Variants in ANO1 observed in about 807,000 individuals in gnomAD.
ANO1 encodes anoctamin 1.
ANO1 carries 59 observed loss-of-function variants against 124.0 expected under a neutral mutation model. The observed-to-expected ratio is 0.48, with a 90% CI of 0.39 to 0.59. ANO1 has a LOEUF of 0.59. Ranked by LOEUF, ANO1 falls within the 20% of genes least tolerant of loss-of-function variation. The pLI is 0.00. For missense variants in ANO1, 1,059 were observed against 1,328.0 expected (o/e 0.80, Z 3.15); for synonymous variants, 529 against 532.0 (o/e 0.99, Z 0.08).
At chr11:69,968,770 C>T in the ANO1 span, among the ~76,000 whole-genome samples, 1 of 152,238 alleles carries the variant, frequency 6.6e-6, no homozygotes, top group Non-Finnish European at 1.5e-5. Flanking sequence ...GGCCAGCCTC[C>T]ACCTCTCTTT....
intron 1 of ANO1, among the ~76,000 whole-genome samples, chr11:69,988,008 G>A (rs545803899): frequency 6.6e-6 from 1 of 152,150 alleles, no homozygotes; most frequent in Non-Finnish European, 1.5e-5. Context: ...TAGCAGCCGT[G>A]TCAGGAGTAA....
intron 8 of ANO1, among the ~76,000 whole-genome samples, chr11:70,117,699 GT>G (rs2046044397): frequency 6.6e-6 from 1 of 152,102 alleles, no homozygotes; most frequent in Admixed American, 6.6e-5. Flanking sequence ...CTATCTGCTG[GT>G]CCTTCCACAG....
At chr11:70,170,844 T>C in intron 21 of ANO1, 43 bp from the exon 22 acceptor site, 1 of 1,599,260 alleles carries the variant, frequency 6.3e-7, no homozygotes, top group African/African-American at 1.3e-5. Flanking sequence ...CCTTATGGGC[T>C]GTGGCTCACG....
At chr11:69,966,062 A>G in the ANO1 span, among the ~76,000 whole-genome samples, 1 of 152,024 alleles carries the variant, frequency 6.6e-6, no homozygotes, top group Non-Finnish European at 1.5e-5. Context: ...TGGTGAGAAT[A>G]TCCAAAAAAA....
At chr11:70,184,294 C>G (rs1252067623) in intron 24 of ANO1, among the ~76,000 whole-genome samples, 2 of 152,166 alleles carry the variant, frequency 1.3e-5, no homozygotes, top group Non-Finnish European at 2.9e-5. Context: ...TCACCCTGCC[C>G]CCACAGACCC....
the ANO1 span, among the ~76,000 whole-genome samples, chr11:69,974,098 C>T: frequency 6.6e-6 from 1 of 151,604 alleles, no homozygotes; most frequent in Non-Finnish European, 1.5e-5. Context: ...GTGGGTGGAT[C>T]ACCTGAGGAC....
chr11:70,181,964 G>A (rs2048944789), intron 23 of ANO1, among the ~76,000 whole-genome samples: 1 of 152,136 alleles, frequency 6.6e-6, no homozygotes, highest in Admixed American at 6.5e-5. Context: ...TTTGCCCAAG[G>A]CCACACAGCC....
chr11:70,109,250 C>G (rs2045676536), intron 6 of ANO1, among the ~76,000 whole-genome samples: 1 of 152,146 alleles, frequency 6.6e-6, no homozygotes, highest in South Asian at 2.1e-4. Flanking sequence ...GCCTTGGCTT[C>G]CCGTGGTGGC....
chr11:70,099,324 G>A (rs570592498), intron 2 of ANO1, among the ~76,000 whole-genome samples: 3 of 152,232 alleles, frequency 2.0e-5, no homozygotes, highest in East Asian at 3.9e-4. Flanking sequence ...CCCCTTTCCC[G>A]AATCTCACCA....
the ANO1 span, among the ~76,000 whole-genome samples, chr11:69,974,877 C>A: frequency 3.7e-5 from 5 of 133,436 alleles, no homozygotes; most frequent in African/African-American, 1.4e-4. Flanking sequence ...GACTAGGATG[C>A]CTCCGTCTCT....
intron 19 of ANO1, 133 bp from the exon 20 acceptor site, chr11:70,165,337 G>T: frequency 1.4e-6 from 1 of 711,752 alleles, no homozygotes; most frequent in South Asian, 1.6e-5. Flanking sequence ...CCCAGGTGGC[G>T]GGGATTAGAA....
intron 2 of ANO1, among the ~76,000 whole-genome samples, chr11:70,093,785 G>A (rs2044731628): frequency 6.6e-6 from 1 of 152,220 alleles, no homozygotes; most frequent in African/African-American, 2.4e-5. Flanking sequence ...GCAAGTGAGG[G>A]CGGACTCCAT....
intron 25 of ANO1, among the ~76,000 whole-genome samples, chr11:70,187,417 G>C (rs1268417277): frequency 6.6e-6 from 1 of 152,150 alleles, no homozygotes; most frequent in Admixed American, 6.5e-5. Context: ...TTCCCCAAAG[G>C]CTCGATGCTC....
chr11:70,162,932 G>A (rs2048115730), intron 18 of ANO1, among the ~76,000 whole-genome samples: 2 of 152,244 alleles, frequency 1.3e-5, no homozygotes, highest in East Asian at 1.9e-4. Context: ...CCGTGCCAGC[G>A]GCACATCCTG....
intron 1 of ANO1, among the ~76,000 whole-genome samples, chr11:70,042,947 G>A (rs1555005228): frequency 6.6e-6 from 1 of 152,142 alleles, no homozygotes; most frequent in Non-Finnish European, 1.5e-5. Context: ...AAATTTTAAT[G>A]TCTGGCATTT....
chr11:70,024,111 C>T (rs1856851569), intron 1 of ANO1, among the ~76,000 whole-genome samples: 1 of 152,218 alleles, frequency 6.6e-6, no homozygotes, highest in Admixed American at 6.5e-5. Context: ...CTCTTAGTGT[C>T]CAGATGGCAG....
chr11:70,046,237 T>C (rs1446135382), intron 1 of ANO1, among the ~76,000 whole-genome samples: 2 of 152,206 alleles, frequency 1.3e-5, no homozygotes, highest in African/African-American at 4.8e-5. Flanking sequence ...CCCTGTAAAA[T>C]GATTTGCAGG....
At chr11:69,981,015 G>A (rs1855955474), upstream of ANO1, among the ~76,000 whole-genome samples, 1 of 152,198 alleles carries the variant, frequency 6.6e-6, no homozygotes, top group Non-Finnish European at 1.5e-5. Context: ...TCATGTCATT[G>A]CACTCCAGCC....
chr11:70,038,493 G>C (rs1591050461), intron 1 of ANO1, among the ~76,000 whole-genome samples: 2 of 152,336 alleles, frequency 1.3e-5, no homozygotes, highest in African/African-American at 4.8e-5. Context: ...CCTTTCTGCA[G>C]AAAGTAAACT....
Sources: gnomAD v4.1 joint callset for allele counts (sites outside exome capture counted in the v4.1 genomes callset) on GRCh38, gnomAD v4.1.1 for gene constraint, MANE v1.5 for transcripts, NCBI Gene and HGNC (gene_info 2026-07-23, HGNC 2026-07-21) for gene names.